The following RBFOX1 variants were observed in gnomAD, a reference collection of about 807,000 sequenced individuals.
RBFOX1 encodes the protein RNA binding protein fox-1 homolog 1.
A neutral mutation model predicts 57.7 loss-of-function variants in RBFOX1; 8 were observed. The observed-to-expected ratio is 0.14, with a 90% CI of 0.08 to 0.25. The LOEUF (loss-of-function observed/expected upper bound fraction) is 0.25, where lower values mean the gene tolerates loss of function less well. RBFOX1 is among the 10% of genes least tolerant of loss of function. RBFOX1 has a pLI of 1.00. For synonymous variants in RBFOX1, 326 were observed against 222.4 expected (o/e 1.47, Z -4.15); for missense variants, 611 against 548.5 (o/e 1.11, Z -1.14).
intron 4 of RBFOX1, among the ~76,000 whole-genome samples, chr16:7,224,060 G>A (rs777627694): frequency 2.8e-5 from 4 of 142,670 alleles, no homozygotes; most frequent in Non-Finnish European, 4.5e-5. Flanking sequence ...ATGCATCAGA[G>A]GTTGCTTAGG....
At chr16:7,319,724 G>C (rs546303692) in intron 4 of RBFOX1, among the ~76,000 whole-genome samples, 19 of 152,130 alleles carry the variant, frequency 1.2e-4, no homozygotes, top group Non-Finnish European at 2.4e-4. Context: ...CAACATCCTT[G>C]GTCATGTGAA....
At chr16:6,291,907 C>G (rs934944653) in intron 1 of RBFOX1, among the ~76,000 whole-genome samples, 2 of 151,706 alleles carry the variant, frequency 1.3e-5, no homozygotes, top group African/African-American at 4.8e-5. Flanking sequence ...ATTAACATGT[C>G]TTTATAATCT....
At chr16:7,692,075 C>T (rs1422083286) in intron 14 of RBFOX1, among the ~76,000 whole-genome samples, 2 of 152,052 alleles carry the variant, frequency 1.3e-5, no homozygotes, top group Non-Finnish European at 2.9e-5. Flanking sequence ...TTTATTGCTC[C>T]TCTAACATAG....
intron 4 of RBFOX1, among the ~76,000 whole-genome samples, chr16:7,385,150 T>C (rs1597103050): frequency 6.6e-6 from 1 of 152,302 alleles, no homozygotes; most frequent in African/African-American, 2.4e-5. Context: ...TCATACAGGA[T>C]TTTGTTAACC....
intron 3 of RBFOX1, among the ~76,000 whole-genome samples, chr16:6,657,349 A>G (rs2098666331): frequency 1.3e-5 from 2 of 152,108 alleles, no homozygotes; most frequent in African/African-American, 4.8e-5. Flanking sequence ...CTTGCTTTAT[A>G]TATGGGAGAC....
At chr16:5,594,584 GGA>G (rs1386998296) in intron 2 of RBFOX1, among the ~76,000 whole-genome samples, 1 of 152,168 alleles carries the variant, frequency 6.6e-6, no homozygotes, top group Admixed American at 6.5e-5. Context: ...GGAGACACTG[GGA>G]GAGGAGGCTT....
chr16:6,907,623 T>A (rs1052260773), intron 3 of RBFOX1, among the ~76,000 whole-genome samples: 3 of 152,170 alleles, frequency 2.0e-5, no homozygotes, highest in Admixed American at 6.5e-5. Context: ...CAGGCTGGAT[T>A]GCAGTGGCAC....
At chr16:5,640,597 G>A (rs2048830320) in intron 3 of RBFOX1, among the ~76,000 whole-genome samples, 1 of 150,382 alleles carries the variant, frequency 6.6e-6, no homozygotes, top group Admixed American at 6.6e-5. Flanking sequence ...GCACACCATG[G>A]ATACACACAT....
At chr16:7,444,092 A>G (rs1214081933) in intron 4 of RBFOX1, among the ~76,000 whole-genome samples, 1 of 152,170 alleles carries the variant, frequency 6.6e-6, no homozygotes, top group East Asian at 1.9e-4. Context: ...CATGTGCAAA[A>G]CTCTTGATGA....
chr16:6,137,705 T>A (rs1295153482), intron 1 of RBFOX1, among the ~76,000 whole-genome samples: 1 of 147,832 alleles, frequency 6.8e-6, no homozygotes, highest in East Asian at 2.0e-4. Flanking sequence ...CCTCAACTTC[T>A]GGGGCTCAAG....
intron 4 of RBFOX1, among the ~76,000 whole-genome samples, chr16:7,105,288 A>ATTTT (rs58447850): frequency 2.0e-4 from 27 of 138,198 alleles, no homozygotes; most frequent in African/African-American, 6.8e-4. Flanking sequence ...ATATGGTCTG[A>ATTTT]TTTTTTTTTT....
At chr16:6,937,508 A>G (rs1047437556) in intron 3 of RBFOX1, among the ~76,000 whole-genome samples, 2 of 152,192 alleles carry the variant, frequency 1.3e-5, no homozygotes, top group African/African-American at 2.4e-5. Flanking sequence ...GGAGTGACAC[A>G]GACATCAGGA....
At chr16:6,642,161 C>T (rs193255980) in intron 2 of RBFOX1, among the ~76,000 whole-genome samples, 1 of 152,152 alleles carries the variant, frequency 6.6e-6, no homozygotes, top group Non-Finnish European at 1.5e-5. Context: ...AGGCGACAAA[C>T]CCAGGCTTCC....
intron 2 of RBFOX1, among the ~76,000 whole-genome samples, chr16:6,325,257 G>A (rs370331272): frequency 3.3e-5 from 5 of 152,158 alleles, no homozygotes; most frequent in African/African-American, 1.2e-4. Flanking sequence ...TACTTCAGAA[G>A]CTGAGGCAGG....
intron 4 of RBFOX1, among the ~76,000 whole-genome samples, chr16:7,294,721 G>A (rs1476645829): frequency 6.6e-6 from 1 of 151,988 alleles, no homozygotes; most frequent in Non-Finnish European, 1.5e-5. Context: ...ATGGCATAGA[G>A]TAGTTCTTCA....
rs115527468 is a variant in RBFOX1, at chr16:6,071,380, A to G, written c.-127+51388A>G. On this transcript the variant is annotated intron_variant, in intron 1 of 15. Transcript: ENST00000550418. ...TGTAACCTTGACATGTAAAGGGCAGAAAAGAATTTTTACAAAAGATATTTT... is the reference window on the plus strand; with the variant it reads ...TGTAACCTTGACATGTAAAGGGCAGGAAAGAATTTTTACAAAAGATATTTT... Among the ~76,000 whole-genome samples, 479 of 152,348 alleles carry G rather than the reference A, an allele frequency of 3.1e-3. 3 individuals carry two copies. The highest frequency in any genetic ancestry group is 0.01 in the African/African-American group (436 of 41,574).
intron 2 of RBFOX1, among the ~76,000 whole-genome samples, chr16:6,430,314 A>T (rs2094043726): frequency 1.3e-5 from 2 of 152,274 alleles, no homozygotes; most frequent in East Asian, 1.9e-4. Context: ...CTCAGAATGG[A>T]TGTGGCCGGG....
intron 3 of RBFOX1, among the ~76,000 whole-genome samples, chr16:6,842,399 A>T (rs532070566): frequency 2.0e-5 from 3 of 152,050 alleles, no homozygotes; most frequent in African/African-American, 7.2e-5. Flanking sequence ...ATTTAATCCA[A>T]CTACTTGGAG....
chr16:5,366,426 C>A (rs982880483), intron 1 of RBFOX1: 4 of 444,204 alleles, frequency 9.0e-6, no homozygotes, highest in South Asian at 1.8e-5. Context: ...GCACACAAGT[C>A]AAATCAAAAT....
Sources: gnomAD v4.1 joint callset for allele counts (sites outside exome capture counted in the v4.1 genomes callset) on GRCh38, gnomAD v4.1.1 for gene constraint, MANE v1.5 for transcripts, NCBI Gene and HGNC (gene_info 2026-07-23, HGNC 2026-07-21) for gene names.